MACROD2: variants seen among roughly 807,000 people sequenced by gnomAD.
MACROD2 encodes ADP-ribose glycohydrolase MACROD2.
Under a neutral mutation model 70.4 loss-of-function variants are expected in MACROD2, and 36 were observed. That is an observed-to-expected ratio of 0.51 (90% CI 0.39 to 0.68). The LOEUF (loss-of-function observed/expected upper bound fraction) is 0.68. Ranked by LOEUF, MACROD2 falls within the 30% of genes least tolerant of loss-of-function variation. MACROD2 has a pLI of 0.00. For synonymous variants in MACROD2, 172 were observed against 178.8 expected (o/e 0.96, Z 0.30); for missense variants, 496 against 538.4 (o/e 0.92, Z 0.78).
intron 5 of MACROD2, among the ~76,000 whole-genome samples, chr20:15,071,089 A>G (rs1394862105): frequency 6.6e-6 from 1 of 152,198 alleles, no homozygotes; most frequent in Non-Finnish European, 1.5e-5. Context: ...CTTAAAGAGG[A>G]TAAGAAATAT....
intron 5 of MACROD2, among the ~76,000 whole-genome samples, chr20:14,896,658 A>G (rs1364316238): frequency 2.0e-5 from 3 of 152,222 alleles, no homozygotes; most frequent in South Asian, 2.1e-4. Flanking sequence ...ATAAAAAAAA[A>G]AAAATGACAT....
chr20:15,136,166 C>A (rs1171451375), intron 5 of MACROD2, among the ~76,000 whole-genome samples: 1 of 150,014 alleles, frequency 6.7e-6, no homozygotes, highest in East Asian at 1.9e-4. Context: ...AATGCCATCC[C>A]CATCAAGCTA....
chr20:15,895,803 G>A (rs2064962781), intron 10 of MACROD2, among the ~76,000 whole-genome samples: 1 of 152,166 alleles, frequency 6.6e-6, no homozygotes. Context: ...ATCAATCTCC[G>A]GGTTGCCACT....
intron 5 of MACROD2, among the ~76,000 whole-genome samples, chr20:15,141,817 G>A (rs183448536): frequency 9.2e-5 from 14 of 152,088 alleles, no homozygotes; most frequent in Non-Finnish European, 1.8e-4. Context: ...AAAAATGAAT[G>A]CCTCATAGCA....
chr20:15,612,693 C>T (rs565026370), intron 8 of MACROD2, among the ~76,000 whole-genome samples: 12 of 152,288 alleles, frequency 7.9e-5, no homozygotes, highest in East Asian at 3.9e-4. Flanking sequence ...TGAATAGAAA[C>T]GATGGCTCTG....
At chr20:15,941,858 T>C (rs547149288) in intron 12 of MACROD2, among the ~76,000 whole-genome samples, 5 of 152,320 alleles carry the variant, frequency 3.3e-5, no homozygotes, top group South Asian at 4.1e-4. Flanking sequence ...CCCAAGGATT[T>C]TGAGGCTCAT....
chr20:13,995,944 G>C lies in MACROD2; in HGVS notation c.46+135G>C. On this transcript the variant is annotated intron_variant, in intron 1 of 17. Transcript: ENST00000684519. The surrounding 1 kb of genome is among the most constrained non-coding windows in gnomAD (Gnocchi z 4.3). ...CTCCCGGCCGGTGCCGCCTCCCTCC[G>C]GTGTCCGTGTGTACACACGCGCACA... is the stretch of plus-strand genomic sequence containing the variant. 8.7e-6 allele frequency: 9 copies of C among 1,035,854 alleles called. No homozygotes were observed. Among genetic ancestry groups the C allele is most frequent in the Non-Finnish European group, 1.3e-5 (9 of 695,578 alleles). The allele number at this position is 1,035,854 out of a possible 1,614,324, so 64.2% of individuals were successfully genotyped here. A position where few individuals can be genotyped will look rare whatever the true frequency, so the allele number is the denominator to read the frequency against.
At chr20:15,439,848 T>A (rs2046473418) in intron 7 of MACROD2, among the ~76,000 whole-genome samples, 1 of 152,146 alleles carries the variant, frequency 6.6e-6, no homozygotes, top group Admixed American at 6.6e-5. Flanking sequence ...GAAAGCCCTG[T>A]GCTACTTTTG....
intron 6 of MACROD2, among the ~76,000 whole-genome samples, chr20:15,235,495 A>G (rs1406094581): frequency 6.6e-6 from 1 of 152,220 alleles, no homozygotes; most frequent in African/African-American, 2.4e-5. Flanking sequence ...CCAATGGGAA[A>G]GATGATGGGC....
intron 5 of MACROD2, among the ~76,000 whole-genome samples, chr20:14,981,252 G>A (rs2074796301): frequency 6.6e-6 from 1 of 151,858 alleles, no homozygotes; most frequent in South Asian, 2.1e-4. Context: ...ACAAACCCTT[G>A]GACACATTAA....
intron 5 of MACROD2, among the ~76,000 whole-genome samples, chr20:14,972,174 A>G (rs1489373807): frequency 6.6e-6 from 1 of 152,246 alleles, no homozygotes; most frequent in Admixed American, 6.5e-5. Flanking sequence ...TAGGGGCTGT[A>G]GGTAGAACTG....
intron 5 of MACROD2, among the ~76,000 whole-genome samples, chr20:14,995,798 C>T (rs746853541): frequency 5.3e-5 from 8 of 151,982 alleles, no homozygotes; most frequent in Non-Finnish European, 8.8e-5. Flanking sequence ...TATTACGTAT[C>T]GAAACCTATG....
rs547159655 is a variant in MACROD2, at chr20:15,416,769, G to C, written c.541-14636G>C. On this transcript the variant is annotated intron_variant, in intron 6 of 17. Coordinates refer to ENST00000684519, the MANE Select transcript of MACROD2 (RefSeq NM_001351661.2). Reference sequence around the variant, plus strand: ...AATACAAAAAATTAGCGGGGCGGTGGGGGGGCGCCGGTAGTCCCAGCTACT... The same window carrying C: ...AATACAAAAAATTAGCGGGGCGGTGCGGGGGCGCCGGTAGTCCCAGCTACT... Among the ~76,000 whole-genome samples the C allele has an allele frequency of 1.6e-4, 25 of 152,106 alleles. No homozygotes were observed. The East Asian group carries it at 4.4e-3, about 27-fold the overall frequency.
At chr20:14,942,325 T>C (rs1033998877) in intron 5 of MACROD2, among the ~76,000 whole-genome samples, 4 of 152,124 alleles carry the variant, frequency 2.6e-5, no homozygotes, top group African/African-American at 9.7e-5. Context: ...GAATAATAAT[T>C]GCTGCCCTCC....
At chr20:14,303,020 G>A (rs941797065) in intron 3 of MACROD2, among the ~76,000 whole-genome samples, 3 of 152,104 alleles carry the variant, frequency 2.0e-5, no homozygotes, top group South Asian at 2.1e-4. Context: ...TTAAACATTC[G>A]TAAAGAAGGT....
In MACROD2 at chr20:15,373,350, A is replaced by G. The variant is rs1028433662; in HGVS notation, c.541-58055A>G. Among the ~76,000 whole-genome samples the G allele has an allele frequency of 3.3e-5, 5 of 152,268 alleles. No individual in the cohort carries two copies. The Middle Eastern group carries it at 0.01, about 311-fold the overall frequency. ...TTTATTATCTTCAAAACTGATTTAA[A>G]TATTCTTGAGATTTTCTCTTCTAGG... On this transcript the variant is annotated intron_variant, in intron 6 of 17. Transcript: ENST00000684519.
At chr20:15,524,330 C>A (rs1441568393) in intron 8 of MACROD2, among the ~76,000 whole-genome samples, 1 of 151,944 alleles carries the variant, frequency 6.6e-6, no homozygotes, top group Non-Finnish European at 1.5e-5. Flanking sequence ...GCAGAGACTC[C>A]ACTAACTTGC....
chr20:15,090,109 A>G (rs2075781887), intron 5 of MACROD2, among the ~76,000 whole-genome samples: 2 of 151,980 alleles, frequency 1.3e-5, no homozygotes, highest in Non-Finnish European at 2.9e-5. Flanking sequence ...AAATTAGGAG[A>G]TGATATTTAT....
intron 6 of MACROD2, among the ~76,000 whole-genome samples, chr20:15,395,660 C>T (rs867036678): frequency 4.6e-5 from 7 of 152,110 alleles, no homozygotes; most frequent in African/African-American, 7.2e-5. Flanking sequence ...TGTTGTTTCC[C>T]GACCCCCAAA....
Sources: gnomAD v4.1 joint callset for allele counts (sites outside exome capture counted in the v4.1 genomes callset) on GRCh38, gnomAD v4.1.1 for gene constraint, Gnocchi (gnomAD v3.1) non-coding constraint, MANE v1.5 for transcripts, NCBI Gene and HGNC (gene_info 2026-07-23, HGNC 2026-07-21) for gene names.